CHRNA7: variants seen among roughly 807,000 people sequenced by gnomAD.
CHRNA7 encodes cholinergic receptor nicotinic alpha 7 subunit.
A neutral mutation model predicts 48.0 loss-of-function variants in CHRNA7; 17 were observed. That is an observed-to-expected ratio of 0.35 (90% CI 0.24 to 0.53). CHRNA7 has a LOEUF of 0.53. CHRNA7 is among the 20% of genes least tolerant of loss of function. CHRNA7 has a pLI of 0.92. For synonymous variants in CHRNA7, 75 were observed against 242.3 expected, an observed-to-expected ratio of 0.31 and a Z score of 6.41; for missense variants, 155 against 577.7, an observed-to-expected ratio of 0.27 and a Z score of 7.50.
intron 2 of CHRNA7, among the ~76,000 whole-genome samples, chr15:32,040,040 G>T (rs551865433): frequency 6.6e-6 from 1 of 151,924 alleles, no homozygotes; most frequent in South Asian, 2.1e-4. Context: ...TTTGAAGTAC[G>T]CTCTATCTGA....
intron 4 of CHRNA7, chr15:32,112,418 A>G (rs1239652574): frequency 4.4e-6 from 2 of 452,550 alleles, no homozygotes; most frequent in Non-Finnish European, 8.9e-6. Context: ...CCTGCAGGGT[A>G]TATACCTGAT....
At chr15:32,142,467 A>C in intron 4 of CHRNA7, among the ~76,000 whole-genome samples, 1 of 152,100 alleles carries the variant, frequency 6.6e-6, no homozygotes, top group Non-Finnish European at 1.5e-5. Context: ...CTCTTTTTCT[A>C]TTGATTGGAA....
At chr15:32,049,773 A>ATT (rs2049630128) in intron 2 of CHRNA7, among the ~76,000 whole-genome samples, 2 of 152,194 alleles carry the variant, frequency 1.3e-5, no homozygotes, top group African/African-American at 4.8e-5. Context: ...ATGATTTTGC[A>ATT]GCAGCTAGTA....
rs529316968 is a variant in CHRNA7 at position 32,148,405 on chromosome 15, C to T, written c.351-5502C>T. Among the ~76,000 whole-genome samples, 10 of 152,216 alleles carry T rather than the reference C, an allele frequency of 6.6e-5. No homozygotes were observed. In the South Asian group the frequency reaches 1.7e-3, roughly 25 times the overall value. On this transcript the variant is annotated intron_variant, in intron 4 of 9. Coordinates refer to ENST00000306901, the MANE Select transcript of CHRNA7 (RefSeq NM_000746.6). ...ACAATCACTCTCTTCTTTTCTGGCT[C>T]AGTGTTGAGGCCTCCCGTGCTCAGC...
intron 4 of CHRNA7, among the ~76,000 whole-genome samples, chr15:32,118,895 G>C (rs1409417004): frequency 1.3e-5 from 2 of 151,838 alleles, no homozygotes; most frequent in East Asian, 3.9e-4. Context: ...CAAAGGAACA[G>C]GCCCTGTGAT....
intron 2 of CHRNA7, among the ~76,000 whole-genome samples, chr15:32,095,693 G>A (rs779663197): frequency 2.0e-5 from 3 of 152,114 alleles, no homozygotes; most frequent in Admixed American, 1.3e-4. Context: ...GGGAAATAAC[G>A]TCTAACCATT....
intron 4 of CHRNA7, among the ~76,000 whole-genome samples, chr15:32,126,498 G>T (rs1014876619): frequency 1.3e-5 from 2 of 152,200 alleles, no homozygotes; most frequent in African/African-American, 4.8e-5. Flanking sequence ...AAAAGAACAA[G>T]ATGGGTAGCC....
At position 32,169,378 on chromosome 15, in the gene CHRNA7, G is replaced by GTTAA. The variant is rs1393265486; in HGVS notation, c.*924_*927dup. ...TGTTAGCTGATTCACATGCACTGGAGTTAATTAGTCTTAGAAATGTGTGCA... is the reference window on the plus strand; with the variant it reads ...TGTTAGCTGATTCACATGCACTGGAGTTAATTAATTAGTCTTAGAAATGTGTGCA... On this transcript the variant is annotated 3_prime_UTR_variant, in exon 10 of 10. Transcript: ENST00000306901. 8.0e-6 allele frequency: 1 copy of GTTAA among 124,338 alleles called. No homozygotes were observed. Among genetic ancestry groups the GTTAA allele is most frequent in the African/African-American group, 3.0e-5 (1 of 33,614 alleles). The allele number at this position is 124,338 out of a possible 1,614,324, so 7.7% of individuals were successfully genotyped here. A position where few individuals can be genotyped will look rare whatever the true frequency, so the allele number is the denominator to read the frequency against.
chr15:32,067,590 A>G (rs956594676), intron 2 of CHRNA7, among the ~76,000 whole-genome samples: 12 of 152,228 alleles, frequency 7.9e-5, no homozygotes, highest in African/African-American at 2.4e-4. Context: ...TCAGTAAGTA[A>G]CTACCTAGGT....
At chr15:32,103,899 G>C (rs1237684311) in intron 3 of CHRNA7, among the ~76,000 whole-genome samples, 1 of 152,076 alleles carries the variant, frequency 6.6e-6, no homozygotes. Context: ...ACAAATCCTG[G>C]CAGCTTGACC....
At chr15:32,080,609 G>A (rs2050200972) in intron 2 of CHRNA7, among the ~76,000 whole-genome samples, 1 of 152,188 alleles carries the variant, frequency 6.6e-6, no homozygotes, top group African/African-American at 2.4e-5. Flanking sequence ...ACTCATGCCA[G>A]TCAGAATGGC....
At chr15:32,099,444 G>A (rs2050532962) in intron 2 of CHRNA7, 1 of 152,176 alleles carries the variant, frequency 6.6e-6, no homozygotes, top group African/African-American at 2.4e-5. Context: ...TTGAAAAGCT[G>A]CACTTGGTCC....
chr15:32,042,657 T>C (rs1219637542), intron 2 of CHRNA7, among the ~76,000 whole-genome samples: 1 of 152,324 alleles, frequency 6.6e-6, no homozygotes, highest in Non-Finnish European at 1.5e-5. Flanking sequence ...GTTTTGCTGA[T>C]TAGTCTCTGC....
intron 2 of CHRNA7, among the ~76,000 whole-genome samples, chr15:32,048,130 C>G (rs1435762702): frequency 6.6e-6 from 1 of 152,108 alleles, no homozygotes; most frequent in African/African-American, 2.4e-5. Flanking sequence ...GTCTAAAATT[C>G]TCTTTTTTGG....
intron 3 of CHRNA7, chr15:32,103,401 C>T (rs1422735767): frequency 9.0e-6 from 1 of 111,622 alleles, no homozygotes; most frequent in Non-Finnish European, 1.8e-5. Flanking sequence ...CAGAGCAAGA[C>T]TCAATCTCAA....
At chr15:32,117,474 C>T (rs781309102) in intron 4 of CHRNA7, among the ~76,000 whole-genome samples, 1 of 152,170 alleles carries the variant, frequency 6.6e-6, no homozygotes, top group Non-Finnish European at 1.5e-5. Flanking sequence ...GAGCCATCCA[C>T]TCAAGTTCTA....
chr15:32,149,371 G>T lies in CHRNA7; in HGVS notation c.351-4536G>T, dbSNP rs2051569699. On this transcript the variant is annotated intron_variant, in intron 4 of 9. Transcript: ENST00000306901. This position sits in a 1 kb window ranked among gnomAD's most constrained non-coding sequence, Gnocchi z 4.6. ...CTGGCATCTGTCGGGCATCCCCGGG[G>T]AAGCTGCGCCGGTGCTGTGGCCACT... Among the ~76,000 whole-genome samples the T allele has an allele frequency of 1.3e-5, 2 of 152,146 alleles. No homozygotes were observed. The highest frequency in any genetic ancestry group is 4.8e-5 in the African/African-American group (2 of 41,430).
intron 4 of CHRNA7, among the ~76,000 whole-genome samples, chr15:32,126,370 A>G (rs2051066587): frequency 6.6e-6 from 1 of 152,142 alleles, no homozygotes; most frequent in African/African-American, 2.4e-5. Flanking sequence ...TTTATTTCTG[A>G]CTTTTAAGTC....
At chr15:32,060,742 T>C (rs2049865900) in intron 2 of CHRNA7, among the ~76,000 whole-genome samples, 1 of 152,108 alleles carries the variant, frequency 6.6e-6, no homozygotes, top group Admixed American at 6.5e-5. Context: ...GATAGGCAAA[T>C]GGAGATGGGG....
Sources: gnomAD v4.1 joint callset for allele counts (sites outside exome capture counted in the v4.1 genomes callset) on GRCh38, gnomAD v4.1.1 for gene constraint, Gnocchi (gnomAD v3.1) non-coding constraint, MANE v1.5 for transcripts, NCBI Gene and HGNC (gene_info 2026-07-23, HGNC 2026-07-21) for gene names.